ABHD5: variants seen among roughly 807,000 people sequenced by gnomAD.
ABHD5 encodes abhydrolase domain containing 5, lysophosphatidic acid acyltransferase, also known as 1-acylglycerol-3-phosphate O-acyltransferase ABHD5.
Under a neutral mutation model 44.9 loss-of-function variants are expected in ABHD5, and 30 were observed. The observed-to-expected ratio is 0.67, with a 90% CI of 0.50 to 0.91. ABHD5 has a LOEUF of 0.91. ABHD5 is among the 40% of genes least tolerant of loss of function. The pLI, the probability that ABHD5 is intolerant of heterozygous loss-of-function variation, is 0.00. For missense variants in ABHD5, 399 were observed against 423.4 expected (o/e 0.94, Z 0.50); for synonymous variants, 167 against 147.0 (o/e 1.14, Z -0.99).
At chr3:43,728,459 T>C (rs1049325489) in intron 7 of ABHD5, among the ~76,000 whole-genome samples, 1 of 152,226 alleles carries the variant, frequency 6.6e-6, no homozygotes, top group Admixed American at 6.5e-5. Flanking sequence ...TCTCTAAAGC[T>C]AACCCATAAA....
chr3:43,714,975 T>C lies in ABHD5; in HGVS notation c.690T>C (p.Pro230=). Residue 230 remains proline (P), a synonymous_variant, in exon 5 of 7, where the codon CCT becomes CCC. Coordinates refer to ENST00000644371, the MANE Select transcript of ABHD5 (RefSeq NM_016006.6). ...FGLSLVQRLR[P]DFKRKYSSMF... is the part of the protein sequence containing the mutation. ...TAAGTCTAGTGCAGCGTTTAAGGCC[T>C]GATTTCAAACGAAAGTATTCTTCAA... 6.2e-7 allele frequency: 1 copy of C among 1,613,440 alleles called. No homozygotes were observed.
At chr3:43,697,956 T>G (rs540733483) in intron 1 of ABHD5, among the ~76,000 whole-genome samples, 1 of 152,336 alleles carries the variant, frequency 6.6e-6, no homozygotes, top group South Asian at 2.1e-4. Flanking sequence ...TAATTTGGAC[T>G]GAGAATCCCC....
At chr3:43,695,706 T>TA (rs2084465135) in intron 1 of ABHD5, among the ~76,000 whole-genome samples, 1 of 152,190 alleles carries the variant, frequency 6.6e-6, no homozygotes, top group South Asian at 2.1e-4. Flanking sequence ...CCAGGAAACT[T>TA]AAGTGTTGAT....
chr3:43,706,180 C>T (rs993227614), intron 3 of ABHD5, among the ~76,000 whole-genome samples: 3 of 152,142 alleles, frequency 2.0e-5, no homozygotes, highest in Admixed American at 6.5e-5. Context: ...AGCACACACA[C>T]GTTTTCTCTG....
Position 43,711,701 on chromosome 3 carries a change from C to T in ABHD5, c.507-8C>T, listed in dbSNP as rs2084689962. The T allele has an allele frequency of 6.2e-7, 1 of 1,613,898 alleles. No homozygotes were observed. On this transcript the variant is annotated splice_polypyrimidine_tract_variant and splice_region_variant and intron_variant, in intron 3 of 6. Coordinates refer to ENST00000644371, the MANE Select transcript of ABHD5 (RefSeq NM_016006.6). ...AAATGAACTTAAATATATTCTTTCC[C>T]CCAACAGGGTTAATCATCTCATTTT...
chr3:43,709,771 A>G (rs1471539525), intron 3 of ABHD5, among the ~76,000 whole-genome samples: 2 of 152,168 alleles, frequency 1.3e-5, no homozygotes, highest in Non-Finnish European at 2.9e-5. Context: ...AGGGCCGGGC[A>G]CAGTGGCTCA....
In ABHD5 at chr3:43,711,470, A is replaced by T. The variant is rs147684924; in HGVS notation, c.507-239A>T. 7.3e-3 allele frequency among the ~76,000 whole-genome samples: 1,116 copies of T among 152,256 alleles called. 7 individuals are homozygous for T. Among genetic ancestry groups the T allele is most frequent in the South Asian group, 0.027 (131 of 4,824 alleles). On this transcript the variant is annotated intron_variant, in intron 3 of 6. Transcript: ENST00000644371. ...TTCTGTACTCTATATATCTTTTATT[A>T]TTCACATTTAGATATATTAAAAATA...
rs1173009311 is a variant in ABHD5 at position 43,722,208 on chromosome 3, AG to A, written c.*3678del. On this transcript the variant is annotated 3_prime_UTR_variant, in exon 7 of 7. Coordinates refer to ENST00000644371, the MANE Select transcript of ABHD5 (RefSeq NM_016006.6). ...TCTCCATTGATAGGGAATTGATGGA[AG>A]GAACTAGGGTATATCTATACAATGG... is the stretch of plus-strand genomic sequence containing the variant. The A allele has an allele frequency of 6.6e-6, 1 of 152,256 alleles. No homozygotes were observed. The highest frequency in any genetic ancestry group is 1.5e-5 in the Non-Finnish European group (1 of 68,046). The allele number at this position is 152,256 out of a possible 1,614,324, so 9.4% of individuals were successfully genotyped here. A position where few individuals can be genotyped will look rare whatever the true frequency, so the allele number is the denominator to read the frequency against.
At chr3:43,728,766 A>G (rs1457385739) in intron 7 of ABHD5, among the ~76,000 whole-genome samples, 1 of 152,236 alleles carries the variant, frequency 6.6e-6, no homozygotes. Context: ...ACAGAGATAG[A>G]TCTGAGAACT....
Position 43,730,898 on chromosome 3 carries a change from G to A in ABHD5, c.*30-2982G>A, listed in dbSNP as rs537396878. Among the ~76,000 whole-genome samples, 98 of 151,898 alleles carry A rather than the reference G, an allele frequency of 6.5e-4. 1 individual carries two copies. The highest frequency in any genetic ancestry group is 5.4e-4 in the Non-Finnish European group (37 of 67,960). On this transcript the variant is annotated intron_variant, in intron 7 of 7. Transcript: ENST00000454293. ...GGCTGGAGTGCAGTGGAGCAATCTT[G>A]GGTCACTGCAACCTCTGCCTCCTGG...
rs780412376 is a variant in ABHD5 at position 43,714,963 on chromosome 3, G to C, written c.678G>C (p.Gln226His). The C allele has an allele frequency of 6.2e-7, 1 of 1,612,892 alleles. No individual in the cohort carries two copies. Among genetic ancestry groups the C allele is most frequent in the Non-Finnish European group, 8.5e-7 (1 of 1,179,232 alleles). ...IAGPFGLSLVQRLRPDFKRKY... is the reference protein window; with the variant it reads ...IAGPFGLSLVHRLRPDFKRKY... ...GTTAAATAGGTTTAAGTCTAGTGCA[G>C]CGTTTAAGGCCTGATTTCAAACGAA... is the stretch of plus-strand genomic sequence containing the variant. Residue 226 changes from glutamine (Q) to histidine (H), a missense_variant, in exon 5 of 7, where the codon CAG (glutamine) becomes CAC (histidine). By Grantham distance (24) the Gln-to-His change is conservative (BLOSUM62 0). Transcript: ENST00000644371.
chr3:43,723,168 A>G (rs1278814903), downstream of ABHD5, among the ~76,000 whole-genome samples: 1 of 152,220 alleles, frequency 6.6e-6, no homozygotes, highest in East Asian at 1.9e-4. Context: ...CATGAAATAT[A>G]TAAAACGGCC....
chr3:43,708,866 A>G (rs1443681538), intron 3 of ABHD5, among the ~76,000 whole-genome samples: 2 of 152,210 alleles, frequency 1.3e-5, no homozygotes, highest in Non-Finnish European at 2.9e-5. Flanking sequence ...TCAGACACCC[A>G]TGCACATATA....
chr3:43,731,559 C>G (rs1359811715), intron 7 of ABHD5, among the ~76,000 whole-genome samples: 1 of 152,084 alleles, frequency 6.6e-6, no homozygotes. Flanking sequence ...GGGCCGGGTG[C>G]GGTGGCTCAC....
intron 4 of ABHD5, 90 bp downstream of exon 4, chr3:43,711,953 C>T: frequency 6.4e-7 from 1 of 1,562,626 alleles, no homozygotes; most frequent in Non-Finnish European, 8.8e-7. Flanking sequence ...TAAAAACAAA[C>T]AAGAAAACCC....
chr3:43,713,241 C>G (rs2084711072), intron 4 of ABHD5, among the ~76,000 whole-genome samples: 2 of 144,360 alleles, frequency 1.4e-5, no homozygotes, highest in African/African-American at 2.6e-5. Context: ...GAGAATTACT[C>G]AAACCTGGGA....
In ABHD5 at chr3:43,690,973, G is replaced by A. The variant is rs1364247609; in HGVS notation, c.-20G>A. ...TCAGCCGGCTTCGAGATAAGTCCCG[G>A]CGCTTGCGCGGCGGCGGCTATGGCG... On this transcript the variant is annotated 5_prime_UTR_variant, in exon 1 of 7. Coordinates refer to ENST00000644371, the MANE Select transcript of ABHD5 (RefSeq NM_016006.6). The A allele has an allele frequency of 3.2e-6, 5 of 1,570,246 alleles. No individual in the cohort carries two copies. The highest frequency in any genetic ancestry group is 4.3e-6 in the Non-Finnish European group (5 of 1,161,996).
At chr3:43,700,785 G>A (rs1311258629) in intron 2 of ABHD5, among the ~76,000 whole-genome samples, 1 of 151,260 alleles carries the variant, frequency 6.6e-6, no homozygotes, top group Non-Finnish European at 1.5e-5. Flanking sequence ...TGTTGACCAG[G>A]CTAGTCTTGA....
At chr3:43,725,852 T>TG (rs1553617805), downstream of ABHD5, among the ~76,000 whole-genome samples, 518 of 151,858 alleles carry the variant, frequency 3.4e-3, no homozygotes, top group African/African-American at 0.01. Flanking sequence ...TTCCTAGTTT[T>TG]TTTTTTTGTT....
Sources: gnomAD v4.1 joint callset for allele counts (sites outside exome capture counted in the v4.1 genomes callset) on GRCh38, gnomAD v4.1.1 for gene constraint, MANE v1.5 for transcripts, NCBI Gene and HGNC (gene_info 2026-07-23, HGNC 2026-07-21) for gene names.